Variants in EPHA6 observed in about 807,000 individuals in gnomAD.
The protein encoded by EPHA6 is ephrin type-A receptor 6.
EPHA6 carries 50 observed loss-of-function variants against 112.0 expected under a neutral mutation model. That is an observed-to-expected ratio of 0.45 (90% CI 0.36 to 0.56). The LOEUF is 0.56. EPHA6 is among the 20% of genes least tolerant of loss of function. EPHA6 has a pLI of 0.00. For synonymous variants in EPHA6, 529 were observed against 490.7 expected, an observed-to-expected ratio of 1.08 and a Z score of -1.03; for missense variants, 1,280 against 1,417.4, an observed-to-expected ratio of 0.90 and a Z score of 1.56.
At chr3:97,604,831 A>G (rs1178339905) in intron 12 of EPHA6, among the ~76,000 whole-genome samples, 1 of 151,618 alleles carries the variant, frequency 6.6e-6, no homozygotes, top group African/African-American at 2.4e-5. Context: ...TTGATTTGCC[A>G]TTCTGTTATT....
intron 11 of EPHA6, among the ~76,000 whole-genome samples, chr3:97,581,045 T>C (rs1036935680): frequency 6.6e-6 from 1 of 152,242 alleles, no homozygotes; most frequent in African/African-American, 2.4e-5. Flanking sequence ...CCTAGCTATG[T>C]GCCTCCCTTG....
At chr3:97,114,771 G>A (rs934615635) in intron 3 of EPHA6, among the ~76,000 whole-genome samples, 4 of 152,022 alleles carry the variant, frequency 2.6e-5, no homozygotes, top group African/African-American at 9.7e-5. Flanking sequence ...GTACATAGGA[G>A]GGACAAAGAT....
rs536132376 is a variant in EPHA6, at chr3:96,992,379, C to T, written c.1114+4386C>T. Among the ~76,000 whole-genome samples the T allele has an allele frequency of 5.9e-5, 9 of 152,246 alleles. No individual in the cohort carries two copies. In the East Asian group the frequency reaches 1.7e-3, roughly 29 times the overall value. On this transcript the variant is annotated intron_variant, in intron 3 of 17. Transcript: ENST00000389672. ...TGTTACGGCAACACCCAGTTATTTG[C>T]TTACAGTTTCTACAATCTGGAAATC...
At chr3:96,912,904 A>G (rs1576012584) in intron 2 of EPHA6, among the ~76,000 whole-genome samples, 1 of 152,028 alleles carries the variant, frequency 6.6e-6, no homozygotes, top group African/African-American at 2.4e-5. Flanking sequence ...CTGTAGACAT[A>G]TTCTCAAGTC....
At chr3:97,647,173 G>C (rs2094071376) in intron 14 of EPHA6, among the ~76,000 whole-genome samples, 2 of 152,102 alleles carry the variant, frequency 1.3e-5, no homozygotes, top group Non-Finnish European at 2.9e-5. Context: ...AAAGCAAAGA[G>C]AGCTGGGTTG....
At chr3:96,939,147 T>C (rs1353507982) in intron 2 of EPHA6, among the ~76,000 whole-genome samples, 1 of 152,200 alleles carries the variant, frequency 6.6e-6, no homozygotes, top group African/African-American at 2.4e-5. Context: ...GATTCCCTCT[T>C]TTTCTGTTGA....
chr3:97,257,510 T>C (rs1175097979), intron 5 of EPHA6, among the ~76,000 whole-genome samples: 2 of 152,126 alleles, frequency 1.3e-5, no homozygotes, highest in South Asian at 4.1e-4. Flanking sequence ...CTCATCAAAT[T>C]GGACTCGTTG....
chr3:97,312,628 A>G (rs2108756879), intron 5 of EPHA6, among the ~76,000 whole-genome samples: 1 of 151,724 alleles, frequency 6.6e-6, no homozygotes, highest in South Asian at 2.1e-4. Flanking sequence ...TACATATTTT[A>G]TACGTATCCT....
intron 5 of EPHA6, among the ~76,000 whole-genome samples, chr3:97,312,440 G>C (rs889677365): frequency 6.6e-6 from 1 of 151,504 alleles, no homozygotes; most frequent in Non-Finnish European, 1.5e-5. Flanking sequence ...ATTCAAAACT[G>C]TTTGAGTTCC....
At chr3:97,414,964 G>T (rs190569744) in intron 6 of EPHA6, among the ~76,000 whole-genome samples, 1 of 151,902 alleles carries the variant, frequency 6.6e-6, no homozygotes, top group Admixed American at 6.6e-5. Context: ...ATATTAAAAT[G>T]GCCTGGAGAG....
intron 10 of EPHA6, among the ~76,000 whole-genome samples, chr3:97,513,441 G>A (rs1220376924): frequency 6.6e-6 from 1 of 152,044 alleles, no homozygotes; most frequent in Non-Finnish European, 1.5e-5. Context: ...ACAGATAAAT[G>A]GATTTTTTAA....
At chr3:97,440,778 T>C (rs1044596604) in intron 6 of EPHA6, among the ~76,000 whole-genome samples, 1 of 151,640 alleles carries the variant, frequency 6.6e-6, no homozygotes, top group African/African-American at 2.4e-5. Flanking sequence ...AATATTTGAT[T>C]TGAAAATCAA....
intron 11 of EPHA6, among the ~76,000 whole-genome samples, chr3:97,537,678 A>C: frequency 6.6e-6 from 1 of 152,164 alleles, no homozygotes; most frequent in Non-Finnish European, 1.5e-5. Flanking sequence ...TCCCAGGTTC[A>C]AGTGATTATC....
At chr3:97,260,347 C>T (rs1349273748) in intron 5 of EPHA6, among the ~76,000 whole-genome samples, 1 of 152,100 alleles carries the variant, frequency 6.6e-6, no homozygotes, top group Non-Finnish European at 1.5e-5. Context: ...TCTTCATGTC[C>T]ATATCTGAAG....
At chr3:96,994,451 C>T (rs1365086147) in intron 3 of EPHA6, among the ~76,000 whole-genome samples, 1 of 151,808 alleles carries the variant, frequency 6.6e-6, no homozygotes, top group Non-Finnish European at 1.5e-5. Context: ...TAATTTACAT[C>T]AAATGGTCTT....
intron 10 of EPHA6, among the ~76,000 whole-genome samples, chr3:97,499,167 G>C (rs1432604986): frequency 1.3e-5 from 2 of 152,038 alleles, no homozygotes; most frequent in African/African-American, 2.4e-5. Flanking sequence ...CTCGATTCTT[G>C]TTCATCTGTG....
intron 1 of EPHA6, among the ~76,000 whole-genome samples, chr3:96,833,877 A>G (rs1347283864): frequency 2.0e-5 from 3 of 152,024 alleles, no homozygotes; most frequent in Non-Finnish European, 2.9e-5. Flanking sequence ...ACTAGACCTT[A>G]TTCATTCCAA....
At chr3:97,249,325 A>G (rs554412356) in intron 5 of EPHA6, among the ~76,000 whole-genome samples, 1 of 152,154 alleles carries the variant, frequency 6.6e-6, no homozygotes, top group East Asian at 1.9e-4. Context: ...AAGAAATGTC[A>G]AACTGGCTAA....
chr3:97,003,866 C>G (rs901143062), intron 3 of EPHA6, among the ~76,000 whole-genome samples: 12 of 149,976 alleles, frequency 8.0e-5, no homozygotes, highest in Non-Finnish European at 1.8e-4. Flanking sequence ...ATGTTCAACC[C>G]CCACTTATGA....
Sources: allele counts gnomAD v4.1 joint callset (sites outside exome capture counted in the v4.1 genomes callset), GRCh38; gene constraint gnomAD v4.1.1; transcripts MANE v1.5; gene names NCBI Gene and HGNC (gene_info 2026-07-23, HGNC 2026-07-21).